The following ITGA1 variants were observed in gnomAD, a reference collection of about 807,000 sequenced individuals.
The protein encoded by ITGA1 is integrin alpha-1.
ITGA1 carries 85 observed loss-of-function variants against 145.9 expected under a neutral mutation model. The observed-to-expected ratio is 0.58, with a 90% CI of 0.49 to 0.70. The LOEUF (loss-of-function observed/expected upper bound fraction) is 0.70. Ranked by LOEUF, ITGA1 falls within the 30% of genes least tolerant of loss-of-function variation. The probability of loss-of-function intolerance (pLI) is 0.00; values close to 1 mark genes in which losing one functional copy is unlikely to be tolerated. For synonymous variants in ITGA1, 520 were observed against 495.3 expected (o/e 1.05, Z -0.66); for missense variants, 1,351 against 1,418.7 (o/e 0.95, Z 0.77).
intron 2 of ITGA1, among the ~76,000 whole-genome samples, chr5:52,850,347 A>G (rs1749410740): frequency 6.6e-6 from 1 of 152,188 alleles, no homozygotes; most frequent in Non-Finnish European, 1.5e-5. Flanking sequence ...AATTATATAA[A>G]CTGAATATTA....
At chr5:52,873,399 G>T (rs570511391) in intron 6 of ITGA1, among the ~76,000 whole-genome samples, 1 of 152,058 alleles carries the variant, frequency 6.6e-6, no homozygotes, top group Non-Finnish European at 1.5e-5. Context: ...TTTCATTGTA[G>T]CATCTTCCAT....
chr5:52,801,547 C>A, intron 1 of ITGA1: 3 of 1,614,124 alleles, frequency 1.9e-6, no homozygotes, highest in Non-Finnish European at 2.5e-6. Flanking sequence ...ACAGCATGAA[C>A]CGGATCGAGC....
At chr5:52,942,383 G>A (rs185004838) in intron 26 of ITGA1, among the ~76,000 whole-genome samples, 2 of 152,186 alleles carry the variant, frequency 1.3e-5, no homozygotes, top group Non-Finnish European at 1.5e-5. Flanking sequence ...GCCATTTAAT[G>A]ATATTAAATG....
chr5:52,834,976 GA>G (rs1299985012), intron 1 of ITGA1, among the ~76,000 whole-genome samples: 1 of 152,130 alleles, frequency 6.6e-6, no homozygotes. Context: ...AAAGGTAGAA[GA>G]AGGATAAAAG....
chr5:52,807,395 C>T (rs547448902), intron 1 of ITGA1, among the ~76,000 whole-genome samples: 27 of 145,508 alleles, frequency 1.9e-4, no homozygotes, highest in Non-Finnish European at 3.6e-4. Flanking sequence ...AGGGTTTTGT[C>T]ATTACTATTT....
At chr5:52,836,815 G>C (rs1353823330) in intron 1 of ITGA1, among the ~76,000 whole-genome samples, 2 of 152,090 alleles carry the variant, frequency 1.3e-5, no homozygotes, top group Non-Finnish European at 2.9e-5. Flanking sequence ...TGTTGAAATA[G>C]TTAAGAAAAT....
At chr5:52,837,124 A>G (rs1449947356) in intron 1 of ITGA1, among the ~76,000 whole-genome samples, 1 of 152,174 alleles carries the variant, frequency 6.6e-6, no homozygotes, top group African/African-American at 2.4e-5. Flanking sequence ...ATCAGAACCA[A>G]TTGGGAAATG....
intron 1 of ITGA1, among the ~76,000 whole-genome samples, chr5:52,848,412 C>A (rs1485999011): frequency 6.6e-6 from 1 of 152,180 alleles, no homozygotes; most frequent in Non-Finnish European, 1.5e-5. Context: ...CTATCTGCAA[C>A]TGTATTAGTC....
intron 1 of ITGA1, among the ~76,000 whole-genome samples, chr5:52,812,789 C>CTTTTTTTTTT (rs61600951): frequency 4.6e-5 from 4 of 86,116 alleles, no homozygotes; most frequent in Non-Finnish European, 6.4e-5. Context: ...CTTCTTATCG[C>CTTTTTTTTTT]TTTTTTTTTT....
At chr5:52,825,858 C>T (rs1423016032) in intron 1 of ITGA1, among the ~76,000 whole-genome samples, 1 of 150,160 alleles carries the variant, frequency 6.7e-6, no homozygotes, top group Non-Finnish European at 1.5e-5. Flanking sequence ...TCAGAGGTTG[C>T]AGTCAGCTGA....
chr5:52,889,979 T>A (rs994856733), intron 8 of ITGA1: 1 of 152,194 alleles, frequency 6.6e-6, no homozygotes, highest in African/African-American at 2.4e-5. Context: ...CTTGAATTAA[T>A]CCGATCCTTG....
intron 27 of ITGA1, 102 bp downstream of exon 27, chr5:52,945,137 T>C: frequency 1.2e-6 from 1 of 818,392 alleles, no homozygotes; most frequent in Non-Finnish European, 2.0e-6. Context: ...TGACTGGTAT[T>C]GCTCTCGGTA....
At position 52,910,249 on chromosome 5, in the gene ITGA1, A is replaced by G; in HGVS notation, c.1687A>G (p.Lys563Glu). The G allele has an allele frequency of 1.9e-6, 3 of 1,614,030 alleles. No individual in the cohort carries two copies. Among genetic ancestry groups the G allele is most frequent in the Non-Finnish European group, 1.7e-6 (2 of 1,179,940 alleles). The change falls in exon 14 of 29, where the codon AAA (lysine) becomes GAA (glutamate). Residue 563 changes from lysine to glutamate, a missense_variant. Lys to Glu is a moderately conservative substitution (Grantham distance 56, BLOSUM62 1). Coordinates refer to ENST00000282588, the MANE Select transcript of ITGA1 (RefSeq NM_181501.2). ...RQHNSCTTEN[K>E]NEPCGARFGT... is the part of the protein sequence containing the mutation. ...GCACAATTCATGCACAACAGAAAAC[A>G]AAAATGAGCCATGCGGGGCTCGTTT...
intron 3 of ITGA1, among the ~76,000 whole-genome samples, chr5:52,862,199 CA>C (rs1749616413): frequency 1.1e-5 from 1 of 89,022 alleles, no homozygotes; most frequent in African/African-American, 4.5e-5. Context: ...GCCTGAGGAA[CA>C]AGAGCAAAAC....
chr5:52,930,219 T>A (rs956618089), intron 21 of ITGA1, among the ~76,000 whole-genome samples: 2 of 152,192 alleles, frequency 1.3e-5, no homozygotes, highest in African/African-American at 4.8e-5. Flanking sequence ...TAATTGTAAT[T>A]ATCCACTGAC....
At chr5:52,884,447 T>TAAA (rs72022536) in intron 7 of ITGA1, among the ~76,000 whole-genome samples, 23,818 of 136,276 alleles carry the variant, frequency 0.17, 2,137 homozygotes, top group East Asian at 0.25. Flanking sequence ...AACTCTGCCT[T>TAAA]AAAAAAAAAA....
At chr5:52,897,369 C>A in intron 9 of ITGA1, 86 bp from the exon 10 acceptor site, 2 of 892,098 alleles carry the variant, frequency 2.2e-6, no homozygotes, top group Non-Finnish European at 1.8e-6. Context: ...AGACCACAAG[C>A]TCTACCAGGT....
At chr5:52,878,881 A>G (rs1457316541) in intron 6 of ITGA1, among the ~76,000 whole-genome samples, 1 of 151,562 alleles carries the variant, frequency 6.6e-6, no homozygotes, top group African/African-American at 2.4e-5. Flanking sequence ...GAGTCATTGG[A>G]GGGAAAAAAA....
intron 1 of ITGA1, among the ~76,000 whole-genome samples, chr5:52,805,684 G>T (rs181783726): frequency 2.0e-4 from 31 of 152,164 alleles, no homozygotes; most frequent in African/African-American, 7.5e-4. Flanking sequence ...CATAGTGCAG[G>T]AATTAGCAAG....
Sources: gnomAD v4.1 joint callset for allele counts (sites outside exome capture counted in the v4.1 genomes callset) on GRCh38, gnomAD v4.1.1 for gene constraint, MANE v1.5 for transcripts, NCBI Gene and HGNC (gene_info 2026-07-23, HGNC 2026-07-21) for gene names.